Variants in SLC16A7 observed in about 807,000 individuals in gnomAD.
SLC16A7 encodes the protein solute carrier family 16 member 7.
Under a neutral mutation model 34.9 loss-of-function variants are expected in SLC16A7, and 33 were observed. The observed-to-expected ratio is 0.94, with a 90% CI of 0.72 to 1.26. SLC16A7 has a LOEUF of 1.26. Among genes scored for constraint, SLC16A7 ranks in the 50% most tolerant of loss-of-function variants. The pLI, the probability that SLC16A7 is intolerant of heterozygous loss-of-function variation, is 0.00. For synonymous variants in SLC16A7, 201 were observed against 206.6 expected, an observed-to-expected ratio of 0.97 and a Z score of 0.23; for missense variants, 573 against 578.1, an observed-to-expected ratio of 0.99 and a Z score of 0.09.
In SLC16A7 at chr12:59,785,508, T is replaced by G. The variant is rs1047300470; in HGVS notation, c.*5829T>G. The G allele has an allele frequency of 6.6e-6, 1 of 152,138 alleles. No homozygotes were observed. Among genetic ancestry groups the G allele is most frequent in the Admixed American group, 6.6e-5 (1 of 15,258 alleles). 9.4% of individuals were successfully genotyped at this position (152,138 alleles called of 1,614,324 possible). A position where few individuals can be genotyped will look rare whatever the true frequency, so the allele number is the denominator to read the frequency against. On this transcript the variant is annotated 3_prime_UTR_variant, in exon 6 of 6. Coordinates refer to ENST00000547379, the MANE Select transcript of SLC16A7 (RefSeq NM_001270623.2). ...ACATCTCCCATCCCAATCTCCTGCT[T>G]CTTCATCATCTCCTAAATGTTTTCC... is the stretch of plus-strand genomic sequence containing the variant.
At chr12:59,652,048 C>G (rs1256997718) in intron 1 of SLC16A7, among the ~76,000 whole-genome samples, 1 of 151,918 alleles carries the variant, frequency 6.6e-6, no homozygotes, top group Non-Finnish European at 1.5e-5. Flanking sequence ...AAGGGAGAAA[C>G]TCTCCTTATA....
chr12:59,650,791 G>C (rs1352806668), intron 1 of SLC16A7, among the ~76,000 whole-genome samples: 1 of 152,144 alleles, frequency 6.6e-6, no homozygotes, highest in Non-Finnish European at 1.5e-5. Flanking sequence ...TCAGAAGCTT[G>C]AGCCCTTGGT....
At chr12:59,747,693 G>T (rs1482972625) in intron 3 of SLC16A7, among the ~76,000 whole-genome samples, 2 of 152,202 alleles carry the variant, frequency 1.3e-5, no homozygotes, top group Admixed American at 6.5e-5. Flanking sequence ...AATTATTTGA[G>T]CAGTTCTTTC....
rs1056088747 is a variant in SLC16A7, at chr12:59,667,857, T to G, written c.-31+12607T>G. ...TTTCCCGGACGGGGTCCGTGCCCCC[T>G]CCTGCTGTGTACAGCCTAGGGACTT... is the stretch of plus-strand genomic sequence containing the variant. On this transcript the variant is annotated intron_variant, in intron 2 of 5. Transcript: ENST00000547379. 2.6e-5 allele frequency among the ~76,000 whole-genome samples: 4 copies of G among 152,290 alleles called. No homozygotes were observed. The East Asian group carries it at 7.7e-4, about 29-fold the overall frequency.
chr12:59,754,326 T>G (rs1880006256), intron 3 of SLC16A7, among the ~76,000 whole-genome samples: 1 of 152,138 alleles, frequency 6.6e-6, no homozygotes, highest in Non-Finnish European at 1.5e-5. Context: ...GAGCCGGTTT[T>G]TTGAAAGGAT....
At chr12:59,644,927 T>C (rs1441202222) in intron 1 of SLC16A7, among the ~76,000 whole-genome samples, 1 of 152,230 alleles carries the variant, frequency 6.6e-6, no homozygotes, top group African/African-American at 2.4e-5. Flanking sequence ...TAAAAATGTA[T>C]GTGAAAGATA....
At position 59,643,437 on chromosome 12, in the gene SLC16A7, CATTT is replaced by C. The variant is rs796699317; in HGVS notation, c.-129-11711_-129-11708del. ...TTCATTTGTTCATTTAGTCATCAAA[CATTT>C]ATTGGCCCTCTAGGCACTGCTAGGT... On this transcript the variant is annotated intron_variant, in intron 1 of 5. Transcript: ENST00000547379. Among the ~76,000 whole-genome samples the C allele has an allele frequency of 1.9e-4, 29 of 152,232 alleles. 2 individuals are homozygous for C. Among genetic ancestry groups the C allele is most frequent in the African/African-American group, 6.5e-4 (27 of 41,554 alleles).
chr12:59,722,940 G>C (rs2137210181), intron 3 of SLC16A7, among the ~76,000 whole-genome samples: 1 of 151,976 alleles, frequency 6.6e-6, no homozygotes, highest in Non-Finnish European at 1.5e-5. Context: ...CTTGAAGCTA[G>C]TCTGAGAAAG....
At chr12:59,769,845 G>A (rs1009167859) in intron 3 of SLC16A7, among the ~76,000 whole-genome samples, 2 of 151,878 alleles carry the variant, frequency 1.3e-5, no homozygotes, top group African/African-American at 4.8e-5. Flanking sequence ...CCAAATATTG[G>A]ATTGAAAATT....
At chr12:59,725,434 A>G (rs1245776634) in intron 3 of SLC16A7, among the ~76,000 whole-genome samples, 1 of 152,094 alleles carries the variant, frequency 6.6e-6, no homozygotes, top group Non-Finnish European at 1.5e-5. Flanking sequence ...GGCACCTTCT[A>G]TCATTCTTTT....
At chr12:59,738,095 G>A (rs1269355729) in intron 3 of SLC16A7, among the ~76,000 whole-genome samples, 1 of 152,084 alleles carries the variant, frequency 6.6e-6, no homozygotes, top group Admixed American at 6.6e-5. Context: ...CAGAGATATT[G>A]TACTTATAAA....
chr12:59,598,868 T>C (rs1878547938), intron 1 of SLC16A7, among the ~76,000 whole-genome samples: 1 of 152,244 alleles, frequency 6.6e-6, no homozygotes. Context: ...GACAACTCTG[T>C]AATGCTCACC....
intron 3 of SLC16A7, among the ~76,000 whole-genome samples, chr12:59,749,909 C>A (rs1216339962): frequency 6.6e-6 from 1 of 152,106 alleles, no homozygotes; most frequent in Non-Finnish European, 1.5e-5. Context: ...ATGAAAGTTT[C>A]CAAACCAGCG....
intron 1 of SLC16A7, among the ~76,000 whole-genome samples, chr12:59,654,677 A>G (rs1437155100): frequency 6.7e-6 from 1 of 148,812 alleles, no homozygotes; most frequent in Admixed American, 6.7e-5. Flanking sequence ...CTTTATAAAC[A>G]CACACATAGG....
At chr12:59,762,425 CT>C (rs148330464) in intron 3 of SLC16A7, among the ~76,000 whole-genome samples, 2,875 of 152,094 alleles carry the variant, frequency 0.019, 92 homozygotes, top group African/African-American at 0.065. Flanking sequence ...AATGAAAGGT[CT>C]TATAAAATTC....
chr12:59,634,885 T>C (rs936224455), intron 1 of SLC16A7, among the ~76,000 whole-genome samples: 1 of 152,016 alleles, frequency 6.6e-6, no homozygotes, highest in Non-Finnish European at 1.5e-5. Context: ...AGATATAAAT[T>C]ATATTGAAAA....
rs144424490 is a variant in SLC16A7, at chr12:59,779,844, AACTT to A, written c.*171_*174del. On this transcript the variant is annotated 3_prime_UTR_variant, in exon 6 of 6. Coordinates refer to ENST00000547379, the MANE Select transcript of SLC16A7 (RefSeq NM_001270623.2). ...GGCAAATTTTAAATTAGTTTTTAAAAACTTACTTATTTGGGTAGTTAAATTTTGA... is the reference window on the plus strand; with the variant it reads ...GGCAAATTTTAAATTAGTTTTTAAAAACTTATTTGGGTAGTTAAATTTTGA... 7,602 of 576,762 alleles carry A rather than the reference AACTT, an allele frequency of 0.013. 389 individuals carry two copies. Among genetic ancestry groups the A allele is most frequent in the African/African-American group, 0.12 (6,596 of 53,034 alleles). The allele number at this position is 576,762 out of a possible 1,614,324, so 35.7% of individuals were successfully genotyped here. A position where few individuals can be genotyped will look rare whatever the true frequency, so the allele number is the denominator to read the frequency against.
chr12:59,729,287 A>T (rs1288677845), intron 3 of SLC16A7, among the ~76,000 whole-genome samples: 1 of 152,236 alleles, frequency 6.6e-6, no homozygotes, highest in East Asian at 1.9e-4. Context: ...ATAACTCATC[A>T]TGCGGATTAC....
At chr12:59,684,021 G>A (rs959983268) in intron 2 of SLC16A7, among the ~76,000 whole-genome samples, 3 of 152,154 alleles carry the variant, frequency 2.0e-5, no homozygotes, top group African/African-American at 4.8e-5. Flanking sequence ...AATTTATTAA[G>A]AGAAAGGCCC....
Sources: allele counts gnomAD v4.1 joint callset (sites outside exome capture counted in the v4.1 genomes callset), GRCh38; gene constraint gnomAD v4.1.1; transcripts MANE v1.5; gene names NCBI Gene and HGNC (gene_info 2026-07-23, HGNC 2026-07-21).